The following L3MBTL4 variants were observed in gnomAD, a reference collection of about 807,000 sequenced individuals.
The protein encoded by L3MBTL4 is lethal(3)malignant brain tumor-like protein 4.
Under a neutral mutation model 84.5 loss-of-function variants are expected in L3MBTL4, and 70 were observed. That is an observed-to-expected ratio of 0.83 (90% CI 0.68 to 1.01). The LOEUF is 1.01. Among genes scored for constraint, L3MBTL4 ranks in the 50% least tolerant of loss-of-function variants. The pLI, the probability that L3MBTL4 is intolerant of heterozygous loss-of-function variation, is 0.00. For missense variants in L3MBTL4, 715 were observed against 754.8 expected, an observed-to-expected ratio of 0.95 and a Z score of 0.62; for synonymous variants, 274 against 259.8, an observed-to-expected ratio of 1.05 and a Z score of -0.52.
intron 16 of L3MBTL4, among the ~76,000 whole-genome samples, chr18:5,981,974 CTGTGTGTGTGTGTG>C (rs374606293): frequency 7.3e-6 from 1 of 137,328 alleles, no homozygotes; most frequent in African/African-American, 2.8e-5. Flanking sequence ...TTTCAATATT[CTGTGTGTGTGTGTG>C]TGTGTGTGTG....
At chr18:6,021,514 G>A (rs567266407) in intron 16 of L3MBTL4, among the ~76,000 whole-genome samples, 11 of 152,150 alleles carry the variant, frequency 7.2e-5, no homozygotes, top group Admixed American at 3.3e-4. Flanking sequence ...GCACCGCGGC[G>A]TGCCATCCTG....
chr18:6,156,186 A>C (rs2043096379), intron 13 of L3MBTL4, among the ~76,000 whole-genome samples: 1 of 152,202 alleles, frequency 6.6e-6, no homozygotes, highest in Non-Finnish European at 1.5e-5. Flanking sequence ...TAGCCAAAAT[A>C]GCCAGACATT....
intron 13 of L3MBTL4, among the ~76,000 whole-genome samples, chr18:6,141,866 C>T (rs2060205430): frequency 6.6e-6 from 1 of 152,148 alleles, no homozygotes; most frequent in African/African-American, 2.4e-5. Flanking sequence ...CTTCTCATTG[C>T]TGTTAGGATG....
chr18:6,346,116 AT>A (rs1381026422), intron 1 of L3MBTL4, among the ~76,000 whole-genome samples: 28 of 147,252 alleles, frequency 1.9e-4, no homozygotes, highest in African/African-American at 6.6e-4. Context: ...ATATATATAT[AT>A]ATATATATAT....
chr18:6,047,424 C>T (rs2056670321), intron 16 of L3MBTL4, among the ~76,000 whole-genome samples: 2 of 152,054 alleles, frequency 1.3e-5, no homozygotes, highest in Admixed American at 1.3e-4. Flanking sequence ...CACCCTGATA[C>T]CAAAATCTGG....
chr18:6,021,599 T>A (rs11081225), intron 16 of L3MBTL4, among the ~76,000 whole-genome samples: 1 of 152,058 alleles, frequency 6.6e-6, no homozygotes, highest in Non-Finnish European at 1.5e-5. Context: ...CTGCATGGAA[T>A]TGACTAAATA....
intron 16 of L3MBTL4, chr18:6,030,236 G>T: frequency 1.1e-6 from 1 of 926,562 alleles, no homozygotes; most frequent in Non-Finnish European, 1.3e-6. Flanking sequence ...GAAGGCTGAG[G>T]ATCAGGTTCA....
At chr18:6,194,479 C>T (rs1599097049) in intron 12 of L3MBTL4, among the ~76,000 whole-genome samples, 3 of 152,202 alleles carry the variant, frequency 2.0e-5, no homozygotes, top group Admixed American at 2.0e-4. Flanking sequence ...TAAGGCATCA[C>T]AGTTATTACC....
intron 12 of L3MBTL4, among the ~76,000 whole-genome samples, chr18:6,180,958 G>A (rs1048722136): frequency 1.3e-5 from 2 of 152,170 alleles, no homozygotes; most frequent in East Asian, 1.9e-4. Flanking sequence ...AAGGAACGAC[G>A]TTCTGACATG....
chr18:6,077,419 G>A (rs778754564), intron 16 of L3MBTL4, among the ~76,000 whole-genome samples: 17 of 151,844 alleles, frequency 1.1e-4, no homozygotes, highest in South Asian at 8.3e-4. Context: ...CCAATCTTAC[G>A]TTTATATATT....
intron 12 of L3MBTL4, among the ~76,000 whole-genome samples, chr18:6,191,001 AG>A (rs2045054969): frequency 2.0e-5 from 3 of 152,264 alleles, no homozygotes; most frequent in Admixed American, 6.5e-5. Flanking sequence ...TTAAGGTCAG[AG>A]GGGGAACACA....
chr18:6,063,254 T>A (rs1357232634), intron 16 of L3MBTL4, among the ~76,000 whole-genome samples: 1 of 151,482 alleles, frequency 6.6e-6, no homozygotes, highest in African/African-American at 2.4e-5. Flanking sequence ...GGCACTTAGG[T>A]TAGTACTATA....
chr18:6,050,356 A>G (rs2056795510), intron 16 of L3MBTL4, among the ~76,000 whole-genome samples: 1 of 152,184 alleles, frequency 6.6e-6, no homozygotes. Flanking sequence ...TAGCTTTAGC[A>G]TTTTCCTTTG....
intron 12 of L3MBTL4, among the ~76,000 whole-genome samples, chr18:6,196,348 G>T (rs542087218): frequency 6.6e-6 from 1 of 151,972 alleles, no homozygotes; most frequent in Non-Finnish European, 1.5e-5. Context: ...TAGTAAAGAC[G>T]CGGTTTCACC....
At chr18:6,386,063 C>G (rs1449598479) in intron 1 of L3MBTL4, among the ~76,000 whole-genome samples, 2 of 152,070 alleles carry the variant, frequency 1.3e-5, no homozygotes, top group African/African-American at 4.8e-5. Context: ...AGAGATAAGC[C>G]ATGTATATAA....
chr18:6,255,801 G>C (rs1440646024), intron 5 of L3MBTL4, among the ~76,000 whole-genome samples: 1 of 148,744 alleles, frequency 6.7e-6, no homozygotes, highest in South Asian at 2.1e-4. Flanking sequence ...AAAAAGAATA[G>C]GTAGACAAGC....
chr18:6,095,645 C>T (rs1290133464), intron 14 of L3MBTL4, among the ~76,000 whole-genome samples: 1 of 152,060 alleles, frequency 6.6e-6, no homozygotes, highest in Non-Finnish European at 1.5e-5. Context: ...CCACCGCACC[C>T]GGCCGGGGAC....
chr18:6,317,415 T>C (rs1419650987), intron 1 of L3MBTL4, among the ~76,000 whole-genome samples: 3 of 151,624 alleles, frequency 2.0e-5, no homozygotes, highest in Admixed American at 6.6e-5. Context: ...GAAAAACCAA[T>C]CAGAACATCT....
chr18:6,344,630 A>C (rs1393588070), intron 1 of L3MBTL4, among the ~76,000 whole-genome samples: 3 of 152,210 alleles, frequency 2.0e-5, no homozygotes, highest in African/African-American at 4.8e-5. Context: ...CACATACAAA[A>C]ATACTCAACA....
Sources: gnomAD v4.1 joint callset for allele counts (sites outside exome capture counted in the v4.1 genomes callset) on GRCh38, gnomAD v4.1.1 for gene constraint, MANE v1.5 for transcripts, NCBI Gene and HGNC (gene_info 2026-07-23, HGNC 2026-07-21) for gene names.